Variants in PPM1A observed in about 807,000 individuals in gnomAD.
PPM1A encodes the protein protein phosphatase, Mg2+/Mn2+ dependent 1A.
Under a neutral mutation model 35.0 loss-of-function variants are expected in PPM1A, and 7 were observed. That is an observed-to-expected ratio of 0.20 (90% CI 0.11 to 0.38). PPM1A has a LOEUF of 0.38. Among genes scored for constraint, PPM1A ranks in the 10% least tolerant of loss-of-function variants. The pLI, the probability that PPM1A is intolerant of heterozygous loss-of-function variation, is 1.00. For synonymous variants in PPM1A, 153 were observed against 167.3 expected, an observed-to-expected ratio of 0.91 and a Z score of 0.66; for missense variants, 239 against 467.8, an observed-to-expected ratio of 0.51 and a Z score of 4.51.
At chr14:60,252,952 A>G (rs1412602243) in intron 1 of PPM1A, among the ~76,000 whole-genome samples, 2 of 152,184 alleles carry the variant, frequency 1.3e-5, no homozygotes, top group African/African-American at 4.8e-5. Context: ...TAGAGAAAGT[A>G]AGCAATTGAG....
rs571995888 is a variant in PPM1A at position 60,284,369 on chromosome 14, C to T, written c.834+832C>T. On this transcript the variant is annotated intron_variant, in intron 2 of 5. Transcript: ENST00000395076. ...TATCTTATAAGACTGTTGCCGGGCG[C>T]GGTGGCTCACGCCTGTAATCCCAGC... 7.9e-5 allele frequency among the ~76,000 whole-genome samples: 12 copies of T among 152,240 alleles called. No homozygotes were observed. In the East Asian group the frequency reaches 1.7e-3, roughly 22 times the overall value.
At chr14:60,271,223 T>A (rs1228495871) in intron 1 of PPM1A, among the ~76,000 whole-genome samples, 1 of 152,244 alleles carries the variant, frequency 6.6e-6, no homozygotes, top group Non-Finnish European at 1.5e-5. Flanking sequence ...TCTCTGTGTG[T>A]GTCAGATCTT....
upstream of PPM1A, chr14:60,246,104 A>G (rs1881769990): frequency 3.4e-6 from 5 of 1,455,688 alleles, no homozygotes; most frequent in African/African-American, 2.9e-5. Flanking sequence ...CTAACTCTTG[A>G]GTAGTGACTG....
chr14:60,258,559 C>A (rs745435001), intron 1 of PPM1A, among the ~76,000 whole-genome samples: 1 of 151,984 alleles, frequency 6.6e-6, no homozygotes, highest in Non-Finnish European at 1.5e-5. Context: ...GAACAGTAAT[C>A]TGAAAATCAA....
At chr14:60,247,258 C>G (rs2139285658), upstream of PPM1A, among the ~76,000 whole-genome samples, 1 of 152,106 alleles carries the variant, frequency 6.6e-6, no homozygotes, top group Non-Finnish European at 1.5e-5. Context: ...GAAATGTATC[C>G]TCAGATGATA....
chr14:60,295,310 T>C lies in PPM1A; in HGVS notation c.*2828T>C, dbSNP rs1464282277. ...TTTCCACTTTCTTGGGAATATACTT[T>C]TATAGACAATAGAAGCAGTTCTCAA... On this transcript the variant is annotated 3_prime_UTR_variant, in exon 6 of 6. Coordinates refer to ENST00000395076, the MANE Select transcript of PPM1A (RefSeq NM_021003.5). 1 of 151,710 alleles carries C rather than the reference T, an allele frequency of 6.6e-6. No homozygotes were observed. The highest frequency in any genetic ancestry group is 1.5e-5 in the Non-Finnish European group (1 of 67,716). 9.4% of individuals were successfully genotyped at this position (151,710 alleles called of 1,614,324 possible). A position where few individuals can be genotyped will look rare whatever the true frequency, so the allele number is the denominator to read the frequency against.
chr14:60,250,400 C>T (rs1332686777), intron 1 of PPM1A: 1 of 984,234 alleles, frequency 1.0e-6, no homozygotes, highest in African/African-American at 1.7e-5. Flanking sequence ...AACTTGGAGC[C>T]TTTTCTTGAA....
At chr14:60,278,083 A>T (rs889439362) in intron 1 of PPM1A, among the ~76,000 whole-genome samples, 1 of 152,242 alleles carries the variant, frequency 6.6e-6, no homozygotes, top group African/African-American at 2.4e-5. Flanking sequence ...TAATACATAT[A>T]CAAAACTTTA....
chr14:60,249,818 C>G lies in PPM1A; in HGVS notation c.-21+141C>G, dbSNP rs1445590004. 5.8e-6 allele frequency: 2 copies of G among 345,352 alleles called. No homozygotes were observed. The highest frequency in any genetic ancestry group is 8.2e-6 in the Non-Finnish European group (2 of 244,964). The allele number at this position is 345,352 out of a possible 1,614,324, so 21.4% of individuals were successfully genotyped here. On this transcript the variant is annotated intron_variant, in intron 1 of 5. Transcript: ENST00000395076. The surrounding 1 kb of genome is among the most constrained non-coding windows in gnomAD (Gnocchi z 4.5). ...GGGAGGAGACGCGACAACTCCACCCCCTGGCCGGCCTCCTCCCCCGAGCCG... is the reference window on the plus strand; with the variant it reads ...GGGAGGAGACGCGACAACTCCACCCGCTGGCCGGCCTCCTCCCCCGAGCCG...
intron 3 of PPM1A, chr14:60,288,020 A>C (rs908384329): frequency 1.7e-5 from 17 of 980,428 alleles, no homozygotes; most frequent in Non-Finnish European, 2.1e-5. Context: ...TCTAAGTAAA[A>C]CGTATAGGTC....
chr14:60,288,088 A>G (rs775541808), intron 3 of PPM1A: 11 of 982,460 alleles, frequency 1.1e-5, no homozygotes, highest in Admixed American at 6.2e-5. Flanking sequence ...TTGAAAGCAG[A>G]CAGAAGCAAG....
chr14:60,276,924 T>G, intron 1 of PPM1A: 1 of 491,342 alleles, frequency 2.0e-6, no homozygotes. Context: ...TAGGGATTAG[T>G]TTGGTTTTTA....
rs1483390178 is a variant in PPM1A, at chr14:60,296,895, ATGTT to A, written c.*4414_*4417del. Reference sequence around the variant, plus strand: ...ATTCTTTCCCTTTCGATTGTTCTGTATGTTAAGATAGTGGCTTCTGCTCTCACTG... The same window carrying A: ...ATTCTTTCCCTTTCGATTGTTCTGTAAAGATAGTGGCTTCTGCTCTCACTG... On this transcript the variant is annotated 3_prime_UTR_variant, in exon 6 of 6. Coordinates refer to ENST00000395076, the MANE Select transcript of PPM1A (RefSeq NM_021003.5). The surrounding 1 kb of genome is among the most constrained non-coding windows in gnomAD (Gnocchi z 4.4). 5.9e-5 allele frequency: 17 copies of A among 289,300 alleles called. No homozygotes were observed. Among genetic ancestry groups the A allele is most frequent in the African/African-American group, 3.2e-4 (15 of 46,512 alleles). The allele number at this position is 289,300 out of a possible 1,614,324, so 17.9% of individuals were successfully genotyped here. A position where few individuals can be genotyped will look rare whatever the true frequency, so the allele number is the denominator to read the frequency against.
At chr14:60,249,044 T>C (rs1038374064), upstream of PPM1A, among the ~76,000 whole-genome samples, 7 of 152,104 alleles carry the variant, frequency 4.6e-5, no homozygotes, top group Middle Eastern at 3.4e-3. The surrounding 1 kb of genome is among the most constrained non-coding windows in gnomAD (Gnocchi z 4.5). Context: ...ACGTCATCTG[T>C]GGCGGCCCCT....
In PPM1A at chr14:60,289,968, G is replaced by C; in HGVS notation, c.1061+54G>C. The C allele has an allele frequency of 2.5e-6, 3 of 1,187,408 alleles. No individual in the cohort carries two copies. The highest frequency in any genetic ancestry group is 2.4e-6 in the Non-Finnish European group (2 of 849,512). The allele number at this position is 1,187,408 out of a possible 1,614,324, so 73.6% of individuals were successfully genotyped here. On this transcript the variant is annotated intron_variant, in intron 4 of 5. Transcript: ENST00000395076. The surrounding 1 kb of genome is among the most constrained non-coding windows in gnomAD (Gnocchi z 4.1). ...TTTATGTCAGTGTATGAAAATGTTA[G>C]GTATTCATTGATAAAATGTTTGTTT... is the stretch of plus-strand genomic sequence containing the variant.
chr14:60,289,903 A>G lies in PPM1A; in HGVS notation c.1050A>G (p.Glu350=). ...ENIPSLPPGG[E]LASKRNVIEA... is the part of the protein sequence containing the mutation. Reference sequence around the variant, plus strand: ...TCCCCAGCCTCCCACCAGGGGGTGAATTGGCAAGCAAGTAAGTTACATTCT... The same window carrying G: ...TCCCCAGCCTCCCACCAGGGGGTGAGTTGGCAAGCAAGTAAGTTACATTCT... Residue 350 remains glutamate, a synonymous_variant, in exon 4 of 6, where the codon GAA becomes GAG. Transcript: ENST00000395076. This position sits in a 1 kb window ranked among gnomAD's most constrained non-coding sequence, Gnocchi z 4.1. The G allele has an allele frequency of 6.3e-7, 1 of 1,583,118 alleles. No individual in the cohort carries two copies. Among genetic ancestry groups the G allele is most frequent in the Non-Finnish European group, 8.5e-7 (1 of 1,170,120 alleles).
rs1161160947 is a variant in PPM1A at position 60,292,130 on chromosome 14, A to C, written c.1120-323A>C. Among the ~76,000 whole-genome samples the C allele has an allele frequency of 6.6e-6, 1 of 152,140 alleles. No homozygotes were observed. Among genetic ancestry groups the C allele is most frequent in the Non-Finnish European group, 1.5e-5 (1 of 68,008 alleles). Reference sequence around the variant, plus strand: ...TTCTGATGCATTAAAGGTTTATAAAAGTGGTATTCTAAAACTGTATTGGAT... The same window carrying C: ...TTCTGATGCATTAAAGGTTTATAAACGTGGTATTCTAAAACTGTATTGGAT... On this transcript the variant is annotated intron_variant, in intron 5 of 5. Transcript: ENST00000395076. The surrounding 1 kb of genome is among the most constrained non-coding windows in gnomAD (Gnocchi z 4.2).
chr14:60,268,399 G>C, intron 1 of PPM1A: 6 of 969,272 alleles, frequency 6.2e-6, no homozygotes, highest in Non-Finnish European at 7.4e-6. Flanking sequence ...ATTGTACAGA[G>C]TGATTTATTT....
At chr14:60,264,436 A>T (rs1396536616) in intron 1 of PPM1A, among the ~76,000 whole-genome samples, 2 of 152,092 alleles carry the variant, frequency 1.3e-5, no homozygotes, top group East Asian at 3.8e-4. Context: ...TATCTGTGTC[A>T]TAGGGTTGTA....
Sources: gnomAD v4.1 joint callset for allele counts (sites outside exome capture counted in the v4.1 genomes callset) on GRCh38, gnomAD v4.1.1 for gene constraint, Gnocchi (gnomAD v3.1) non-coding constraint, MANE v1.5 for transcripts, NCBI Gene and HGNC (gene_info 2026-07-23, HGNC 2026-07-21) for gene names.